The following SH3RF1 variants were observed in gnomAD, a reference collection of about 807,000 sequenced individuals.
SH3RF1 encodes E3 ubiquitin-protein ligase SH3RF1.
A neutral mutation model predicts 74.0 loss-of-function variants in SH3RF1; 32 were observed. The observed-to-expected ratio is 0.43, with a 90% CI of 0.33 to 0.58. The LOEUF (loss-of-function observed/expected upper bound fraction) is 0.58. Ranked by LOEUF, SH3RF1 falls within the 20% of genes least tolerant of loss-of-function variation. The pLI, the probability that SH3RF1 is intolerant of heterozygous loss-of-function variation, is 0.05. For synonymous variants in SH3RF1, 396 were observed against 439.6 expected, an observed-to-expected ratio of 0.90 and a Z score of 1.24; for missense variants, 954 against 1,130.9, an observed-to-expected ratio of 0.84 and a Z score of 2.24.
intron 2 of SH3RF1, among the ~76,000 whole-genome samples, chr4:169,257,581 T>G (rs1731211650): frequency 1.3e-5 from 2 of 152,194 alleles, no homozygotes; most frequent in Non-Finnish European, 1.5e-5. Context: ...TTCAGCATAA[T>G]AAATGCCCTG....
At chr4:169,241,886 T>C (rs1730917579) in intron 2 of SH3RF1, among the ~76,000 whole-genome samples, 1 of 152,260 alleles carries the variant, frequency 6.6e-6, no homozygotes, top group East Asian at 1.9e-4. Context: ...GCCCTAAGTC[T>C]GTTACCAGAC....
At chr4:169,228,026 A>C (rs1241469102) in intron 2 of SH3RF1, among the ~76,000 whole-genome samples, 1 of 152,202 alleles carries the variant, frequency 6.6e-6, no homozygotes, top group African/African-American at 2.4e-5. Context: ...AACATAACGC[A>C]TTTTTAACTA....
rs1733329803 is a variant in SH3RF1, at chr4:169,116,294, G to T, written c.2114C>A (p.Ala705Glu). The T allele has an allele frequency of 1.2e-6, 2 of 1,612,402 alleles. No individual in the cohort carries two copies. The highest frequency in any genetic ancestry group is 2.7e-5 in the African/African-American group (2 of 74,922). ...SASSACGNSS[A>E]TKPDKDSKKE... ...TTTGCTATCCTTGTCTGGTTTGGTT[G>T]CTGAACTGTTCCCACAAGCTGATGA... is the stretch of plus-strand genomic sequence containing the variant. The change falls in exon 10 of 12, where the codon GCA becomes GAA. Residue 705 changes from alanine (A) to glutamate (E), a missense_variant. Ala to Glu is a moderately radical substitution (Grantham distance 107). Transcript: ENST00000284637.
intron 2 of SH3RF1, among the ~76,000 whole-genome samples, chr4:169,246,009 G>C (rs951529720): frequency 6.6e-6 from 1 of 152,188 alleles, no homozygotes; most frequent in Non-Finnish European, 1.5e-5. Context: ...CAGTCTGCCA[G>C]GGGTGTCATA....
chr4:169,253,836 A>G (rs1472296436), intron 2 of SH3RF1, among the ~76,000 whole-genome samples: 1 of 152,194 alleles, frequency 6.6e-6, no homozygotes, highest in East Asian at 1.9e-4. Flanking sequence ...ATTTTCCTCT[A>G]TGTCAGAATG....
intron 2 of SH3RF1, among the ~76,000 whole-genome samples, chr4:169,165,137 T>A (rs926252583): frequency 6.6e-6 from 1 of 152,238 alleles, no homozygotes; most frequent in African/African-American, 2.4e-5. Context: ...TGGGGACTAT[T>A]TCCTGGGAAA....
intron 11 of SH3RF1, among the ~76,000 whole-genome samples, chr4:169,104,118 A>G (rs908081258): frequency 6.6e-6 from 1 of 152,192 alleles, no homozygotes; most frequent in Non-Finnish European, 1.5e-5. Context: ...GAGACTGAGG[A>G]CATCTGGCAA....
At position 169,195,575 on chromosome 4, in the gene SH3RF1, C is replaced by T. The variant is rs75717019; in HGVS notation, c.394-38896G>A. 2.6e-3 allele frequency among the ~76,000 whole-genome samples: 403 copies of T among 152,216 alleles called. 16 individuals are homozygous for T. The East Asian group carries it at 0.068, about 26-fold the overall frequency. Reference sequence around the variant, plus strand: ...TCCATTTACAAGTATTTAGAAATCTCGTACCATATCCTTTAGGTCTCTTAA... The same window carrying T: ...TCCATTTACAAGTATTTAGAAATCTTGTACCATATCCTTTAGGTCTCTTAA... On this transcript the variant is annotated intron_variant, in intron 2 of 11. Coordinates refer to ENST00000284637, the MANE Select transcript of SH3RF1 (RefSeq NM_020870.4).
chr4:169,225,253 C>T (rs183273260), intron 2 of SH3RF1, among the ~76,000 whole-genome samples: 202 of 152,258 alleles, frequency 1.3e-3, no homozygotes, highest in Non-Finnish European at 2.2e-3. Context: ...TGACCTGCTT[C>T]GGCTTCAGAC....
At chr4:169,170,467 G>GACTAAATT (rs1734308765) in intron 2 of SH3RF1, among the ~76,000 whole-genome samples, 1 of 152,158 alleles carries the variant, frequency 6.6e-6, no homozygotes, top group African/African-American at 2.4e-5. Context: ...CATGGCAACA[G>GACTAAATT]ACTAAATTAC....
At chr4:169,222,511 T>A (rs1215655960) in intron 2 of SH3RF1, among the ~76,000 whole-genome samples, 1 of 148,084 alleles carries the variant, frequency 6.8e-6, no homozygotes. Flanking sequence ...TTATACATAT[T>A]TATATATATA....
intron 2 of SH3RF1, among the ~76,000 whole-genome samples, chr4:169,212,075 T>G (rs866281428): frequency 0.019 from 2,620 of 136,750 alleles, 15 homozygotes; most frequent in Middle Eastern, 0.048. Flanking sequence ...TTTTTTTTTT[T>G]TTTTTTGAGA....
At chr4:169,255,580 C>T (rs1261202830) in intron 2 of SH3RF1, among the ~76,000 whole-genome samples, 1 of 149,924 alleles carries the variant, frequency 6.7e-6, no homozygotes, top group Non-Finnish European at 1.5e-5. Context: ...ACACTACACA[C>T]ATGTGCATAT....
At chr4:169,250,843 T>G (rs71643120) in intron 2 of SH3RF1, among the ~76,000 whole-genome samples, 3,297 of 152,202 alleles carry the variant, frequency 0.022, 48 homozygotes, top group South Asian at 0.039. Flanking sequence ...CAGAAGACCC[T>G]TATAAGGAAG....
intron 2 of SH3RF1, among the ~76,000 whole-genome samples, chr4:169,229,201 A>G (rs1382026367): frequency 1.3e-5 from 2 of 152,136 alleles, no homozygotes; most frequent in Admixed American, 6.5e-5. Flanking sequence ...AACTGAACTC[A>G]TCTTTATAAT....
rs760180888 is a variant in SH3RF1, at chr4:169,120,833, C to G, written c.1503G>C (p.Val501=). The G allele has an allele frequency of 8.1e-6, 13 of 1,614,004 alleles. No homozygotes were observed. The highest frequency in any genetic ancestry group is 1.1e-5 in the Non-Finnish European group (13 of 1,180,030). The stretch of plus-strand genomic sequence containing the variant: ...CAAAACCATACCTTGTGACTGGTGC[C>G]ACATAATTGCCAGGGAAAACCCCTA... The part of the protein sequence containing the change: ...SKIGVFPGNY[V]APVTRAVTNA... Residue 501 remains valine, a synonymous_variant, in exon 8 of 12, where the codon GTG becomes GTC. Coordinates refer to ENST00000284637, the MANE Select transcript of SH3RF1 (RefSeq NM_020870.4).
At chr4:169,183,108 C>T (rs1009565043) in intron 2 of SH3RF1, among the ~76,000 whole-genome samples, 5 of 152,080 alleles carry the variant, frequency 3.3e-5, no homozygotes, top group Non-Finnish European at 7.4e-5. Context: ...GAGTTCGAGA[C>T]CAGCCTCGCC....
chr4:169,136,237 T>G, intron 5 of SH3RF1, 81 bp downstream of exon 5: 1 of 1,287,090 alleles, frequency 7.8e-7, no homozygotes, highest in Non-Finnish European at 1.0e-6. Flanking sequence ...GCAATGTTTG[T>G]CAGCCAGTGA....
At chr4:169,107,239 A>G in intron 10 of SH3RF1, 34 bp from the exon 11 acceptor site, 1 of 1,504,570 alleles carries the variant, frequency 6.6e-7, no homozygotes, top group Non-Finnish European at 8.9e-7. Context: ...TTAGTTGGAG[A>G]ATGACAGTAC....
Sources: gnomAD v4.1 joint callset for allele counts (sites outside exome capture counted in the v4.1 genomes callset) on GRCh38, gnomAD v4.1.1 for gene constraint, MANE v1.5 for transcripts, NCBI Gene and HGNC (gene_info 2026-07-23, HGNC 2026-07-21) for gene names.